The following DDX60 variants were observed in gnomAD, a reference collection of about 807,000 sequenced individuals.
DDX60 encodes the protein DExD/H-box helicase 60.
In DDX60, 165 loss-of-function variants were observed where a neutral mutation model predicts 212.8. That is an observed-to-expected ratio of 0.78 (90% CI 0.68 to 0.88). The LOEUF (loss-of-function observed/expected upper bound fraction) is 0.88. DDX60 is among the 40% of genes least tolerant of loss of function. The pLI is 0.00. For synonymous variants in DDX60, 703 were observed against 685.3 expected, an observed-to-expected ratio of 1.03 and a Z score of -0.40; for missense variants, 1,905 against 2,003.9, an observed-to-expected ratio of 0.95 and a Z score of 0.94.
At chr4:168,278,889 G>A (rs932331844) in intron 14 of DDX60, among the ~76,000 whole-genome samples, 1 of 152,156 alleles carries the variant, frequency 6.6e-6, no homozygotes, top group Non-Finnish European at 1.5e-5. Flanking sequence ...TGAAGAAGCT[G>A]CTGCCACATT....
intron 35 of DDX60, among the ~76,000 whole-genome samples, chr4:168,223,576 C>G (rs945484431): frequency 8.6e-5 from 13 of 151,770 alleles, no homozygotes; most frequent in African/African-American, 3.1e-4. Context: ...TTTAACACAC[C>G]AACATTTATT....
rs201187861 is a variant in DDX60 at position 168,261,978 on chromosome 4, C to T, written c.3273+22G>A. The T allele has an allele frequency of 2.1e-3, 3,236 of 1,574,036 alleles. 4 individuals carry two copies. The highest frequency in any genetic ancestry group is 2.6e-3 in the Non-Finnish European group (2,977 of 1,166,606). The stretch of plus-strand genomic sequence containing the variant: ...AGAAAACAACAAAAATAAAGTTTGG[C>T]CAAAAAGCGTATGAAAATTACCTGC... On this transcript the variant is annotated intron_variant, in intron 24 of 37. Coordinates refer to ENST00000393743, the MANE Select transcript of DDX60 (RefSeq NM_017631.6).
At chr4:168,313,935 C>A (rs1737250780) in intron 1 of DDX60, among the ~76,000 whole-genome samples, 1 of 152,100 alleles carries the variant, frequency 6.6e-6, no homozygotes, top group Non-Finnish European at 1.5e-5. Context: ...CACTGTGAAA[C>A]TTTCAGCAAT....
chr4:168,301,316 T>C (rs942927690), intron 6 of DDX60, among the ~76,000 whole-genome samples: 1 of 151,436 alleles, frequency 6.6e-6, no homozygotes, highest in African/African-American at 2.4e-5. Flanking sequence ...CCAACAAAGT[T>C]TTCAGATCTG....
intron 20 of DDX60, 128 bp from the exon 21 acceptor site, chr4:168,268,111 A>G (rs1734931336): frequency 7.3e-6 from 5 of 685,496 alleles, no homozygotes; most frequent in Non-Finnish European, 1.1e-5. Flanking sequence ...CTCAGAAGCC[A>G]GACTACCTGA....
At position 168,224,300 on chromosome 4, in the gene DDX60, A is replaced by C; in HGVS notation, c.4767T>G (p.Phe1589Leu). The C allele has an allele frequency of 6.2e-7, 1 of 1,612,574 alleles. No individual in the cohort carries two copies. The highest frequency in any genetic ancestry group is 8.5e-7 in the Non-Finnish European group (1 of 1,178,988). The part of the protein sequence containing the change: ...CKEGRVAISP[F>L]VCLSGNFDDD... ...CATCAAAGTTCCCAGACAGACAAAC[A>C]AATGGTGAAATTGCTACTCTTCCTT... The change falls in exon 35 of 38, where the codon TTT (phenylalanine) becomes TTG (leucine). Residue 1589 changes from phenylalanine to leucine, a missense_variant. By Grantham distance (22) the Phe-to-Leu change is conservative. Coordinates refer to ENST00000393743, the MANE Select transcript of DDX60 (RefSeq NM_017631.6).
intron 1 of DDX60, among the ~76,000 whole-genome samples, chr4:168,314,443 C>A (rs1424082802): frequency 6.6e-6 from 1 of 152,002 alleles, no homozygotes; most frequent in African/African-American, 2.4e-5. Flanking sequence ...TCAAAATTTT[C>A]TAATTACTGC....
chr4:168,273,204 T>C, intron 18 of DDX60, 75 bp downstream of exon 18: 1 of 1,405,354 alleles, frequency 7.1e-7, no homozygotes, highest in Non-Finnish European at 9.7e-7. Context: ...GTGAAGATGT[T>C]GAATTTCTAG....
rs115019239 is a variant in DDX60 at position 168,233,220 on chromosome 4, G to A, written c.4533+3032C>T. On this transcript the variant is annotated intron_variant, in intron 33 of 37. Coordinates refer to ENST00000393743, the MANE Select transcript of DDX60 (RefSeq NM_017631.6). ...AAAATCAAAAATAATAGATGTTAGC[G>A]TGGATGTAGTGAAAAGGGAACACTT... 3.1e-3 allele frequency among the ~76,000 whole-genome samples: 479 copies of A among 152,068 alleles called. 4 individuals carry two copies. Among genetic ancestry groups the A allele is most frequent in the African/African-American group, 0.011 (454 of 41,530 alleles).
chr4:168,288,302 T>TCA lies in DDX60; in HGVS notation c.1053_1054dup (p.Glu352ValfsTer6). ...ATGTATATTTCTTAAGATGAAATATTCACACCACTTTTTCTGAAAATTGAA... is the reference window on the plus strand; with the variant it reads ...ATGTATATTTCTTAAGATGAAATATTCACACACCACTTTTTCTGAAAATTGAA... On this transcript the variant is annotated frameshift_variant, in exon 9 of 38. Transcript: ENST00000393743. LOFTEE classifies it high-confidence loss of function. The TCA allele has an allele frequency of 6.8e-7, 1 of 1,469,910 alleles. No individual in the cohort carries two copies. The highest frequency in any genetic ancestry group is 9.3e-7 in the Non-Finnish European group (1 of 1,078,212). 91.1% of individuals were successfully genotyped at this position (1,469,910 alleles called of 1,614,324 possible). A position where few individuals can be genotyped will look rare whatever the true frequency, so the allele number is the denominator to read the frequency against.
intron 33 of DDX60, among the ~76,000 whole-genome samples, chr4:168,232,889 C>T (rs890183756): frequency 2.0e-5 from 3 of 152,008 alleles, no homozygotes; most frequent in African/African-American, 7.2e-5. Context: ...AGCTTCTGCA[C>T]AGCAAAAGAA....
chr4:168,317,682 G>C (rs1255959553), intron 1 of DDX60, among the ~76,000 whole-genome samples: 1 of 152,028 alleles, frequency 6.6e-6, no homozygotes, highest in African/African-American at 2.4e-5. Context: ...TTAATGATTC[G>C]GTTATATTAT....
In DDX60 at chr4:168,252,079, G is replaced by A. The variant is rs114930235; in HGVS notation, c.3705+430C>T. ...AAATTCTGTGAATATTACTTAAAGT[G>A]TATTGGACCACATGCACCCAAATTT... On this transcript the variant is annotated intron_variant, in intron 27 of 37. Coordinates refer to ENST00000393743, the MANE Select transcript of DDX60 (RefSeq NM_017631.6). Among the ~76,000 whole-genome samples, 279 of 152,302 alleles carry A rather than the reference G, an allele frequency of 1.8e-3. 1 individual carries two copies. The highest frequency in any genetic ancestry group is 6.6e-3 in the African/African-American group (273 of 41,558).
At chr4:168,256,869 A>T (rs1290705916) in intron 25 of DDX60, among the ~76,000 whole-genome samples, 1 of 152,248 alleles carries the variant, frequency 6.6e-6, no homozygotes, top group Non-Finnish European at 1.5e-5. Context: ...GCCTTTCTAA[A>T]GTTTTTATAG....
intron 30 of DDX60, among the ~76,000 whole-genome samples, chr4:168,239,819 T>C (rs1490905784): frequency 1.3e-5 from 2 of 151,962 alleles, no homozygotes; most frequent in Non-Finnish European, 2.9e-5. Flanking sequence ...CAGGATCTCA[T>C]AGACTGTGAC....
intron 28 of DDX60, among the ~76,000 whole-genome samples, chr4:168,250,555 T>G (rs1275646057): frequency 6.6e-6 from 1 of 151,612 alleles, no homozygotes; most frequent in Non-Finnish European, 1.5e-5. Context: ...GACAAAGTCT[T>G]GCTCTTGTCC....
intron 24 of DDX60, 59 bp downstream of exon 24, chr4:168,261,941 T>C: frequency 6.5e-7 from 1 of 1,541,724 alleles, no homozygotes. Flanking sequence ...ATTAACTGAA[T>C]GATATAACTC....
chr4:168,254,170 C>A (rs1343063332), intron 26 of DDX60, among the ~76,000 whole-genome samples: 1 of 152,100 alleles, frequency 6.6e-6, no homozygotes, highest in East Asian at 1.9e-4. Context: ...TCCATAATAA[C>A]CTGGAATTCA....
At chr4:168,224,608 G>A (rs1560809999) in intron 34 of DDX60, among the ~76,000 whole-genome samples, 1 of 152,056 alleles carries the variant, frequency 6.6e-6, no homozygotes, top group East Asian at 1.9e-4. Flanking sequence ...TTATAAAAAT[G>A]TGTATTATAT....
Sources: allele counts gnomAD v4.1 joint callset (sites outside exome capture counted in the v4.1 genomes callset), GRCh38; gene constraint gnomAD v4.1.1; transcripts MANE v1.5; gene names NCBI Gene and HGNC (gene_info 2026-07-23, HGNC 2026-07-21).